Variants in DDX19B observed in about 807,000 individuals in gnomAD.
The protein encoded by DDX19B is ATP-dependent RNA helicase DDX19B.
DDX19B carries 27 observed loss-of-function variants against 58.1 expected under a neutral mutation model. That is an observed-to-expected ratio of 0.46 (90% CI 0.34 to 0.64). The LOEUF (loss-of-function observed/expected upper bound fraction) is 0.64. Among genes scored for constraint, DDX19B ranks in the 30% least tolerant of loss-of-function variants. The pLI is 0.01. For synonymous variants in DDX19B, 187 were observed against 214.4 expected (o/e 0.87, Z 1.12); for missense variants, 399 against 596.5 (o/e 0.67, Z 3.45).
chr16:70,331,631 G>A, intron 9 of DDX19B, 91 bp from the exon 10 acceptor site: 1 of 1,484,808 alleles, frequency 6.7e-7, no homozygotes. Flanking sequence ...GGGCCTTCAT[G>A]TATTTTAATC....
intron 1 of DDX19B, among the ~76,000 whole-genome samples, chr16:70,301,231 T>C (rs1597463040): frequency 6.6e-6 from 1 of 152,182 alleles, no homozygotes; most frequent in African/African-American, 2.4e-5. Context: ...TTTCTGGAGG[T>C]GTACGGGAAG....
chr16:70,314,733 C>A (rs2152197713), intron 2 of DDX19B, 169 bp from the exon 3 acceptor site: 1 of 605,080 alleles, frequency 1.7e-6, no homozygotes, highest in South Asian at 1.4e-5. Flanking sequence ...TGTTTTACAC[C>A]TTTGTTTATT....
At chr16:70,303,839 G>A (rs571620990) in intron 1 of DDX19B, among the ~76,000 whole-genome samples, 34 of 152,086 alleles carry the variant, frequency 2.2e-4, no homozygotes, top group African/African-American at 4.8e-4. Flanking sequence ...GATTACAGGC[G>A]TGAGCCACCG....
At chr16:70,318,094 C>T (rs1962537552) in intron 5 of DDX19B, among the ~76,000 whole-genome samples, 1 of 147,150 alleles carries the variant, frequency 6.8e-6, no homozygotes, top group Admixed American at 6.8e-5. Context: ...TCAAGGGGGC[C>T]AGGTGCAGTG....
chr16:70,311,288 T>C (rs1418774490), intron 1 of DDX19B, among the ~76,000 whole-genome samples: 1 of 149,166 alleles, frequency 6.7e-6, no homozygotes, highest in Non-Finnish European at 1.5e-5. Context: ...GCTGAGGCAG[T>C]AGAATGGCGT....
chr16:70,325,163 T>A (rs1207026070), intron 6 of DDX19B, among the ~76,000 whole-genome samples: 1 of 152,216 alleles, frequency 6.6e-6, no homozygotes, highest in African/African-American at 2.4e-5. Context: ...AAATCCTGTT[T>A]CCTTTTTCCA....
intron 1 of DDX19B, among the ~76,000 whole-genome samples, 182 bp from the exon 2 acceptor site, chr16:70,312,427 G>C (rs1396525109): frequency 6.6e-6 from 1 of 152,100 alleles, no homozygotes; most frequent in Non-Finnish European, 1.5e-5. Context: ...TGTATTTACG[G>C]GAAATTTTGT....
At chr16:70,300,279 C>T (rs1021431540) in intron 1 of DDX19B, among the ~76,000 whole-genome samples, 4 of 152,022 alleles carry the variant, frequency 2.6e-5, no homozygotes, top group African/African-American at 7.2e-5. Flanking sequence ...GATCTTGGCT[C>T]ACTGCAGTCT....
chr16:70,314,413 A>G (rs1189386156), intron 2 of DDX19B, among the ~76,000 whole-genome samples: 3 of 152,200 alleles, frequency 2.0e-5, no homozygotes. Context: ...CTGTAATCCC[A>G]GCACTTTGGG....
upstream of DDX19B, among the ~76,000 whole-genome samples, chr16:70,294,356 C>A (rs1200601851): frequency 6.6e-6 from 1 of 152,140 alleles, no homozygotes; most frequent in African/African-American, 2.4e-5. Flanking sequence ...GCTGGGATTA[C>A]AGGCGTGAGC....
At chr16:70,323,665 C>G (rs1597491949) in intron 5 of DDX19B, among the ~76,000 whole-genome samples, 1 of 151,198 alleles carries the variant, frequency 6.6e-6, no homozygotes, top group African/African-American at 2.4e-5. Context: ...CTCGAATGAT[C>G]CACCCACCTC....
At chr16:70,317,274 G>A (rs893708504) in intron 4 of DDX19B, 6 of 278,754 alleles carry the variant, frequency 2.2e-5, no homozygotes, top group South Asian at 1.4e-4. Context: ...CCAGCTATTC[G>A]CGAGGCTGAG....
upstream of DDX19B, chr16:70,295,110 G>T (rs1019019233): frequency 4.8e-6 from 6 of 1,243,182 alleles, no homozygotes; most frequent in African/African-American, 6.2e-5. Context: ...GACTGGCTAG[G>T]CTCACGTGGG....
At chr16:70,328,836 T>C (rs1476704085) in intron 7 of DDX19B, among the ~76,000 whole-genome samples, 1 of 152,148 alleles carries the variant, frequency 6.6e-6, no homozygotes, top group Non-Finnish European at 1.5e-5. Context: ...CTTTCCTTAA[T>C]ATATTAATGC....
In DDX19B at chr16:70,314,965, C is replaced by A; in HGVS notation, c.160+10C>A. On this transcript the variant is annotated intron_variant, in intron 3 of 11. Transcript: ENST00000288071. ...GATGAAGAAGAGAAAGGTAACACAGCCGTGGAGCTTTATATAATAACAAGC... is the reference window on the plus strand; with the variant it reads ...GATGAAGAAGAGAAAGGTAACACAGACGTGGAGCTTTATATAATAACAAGC... 6.2e-7 allele frequency: 1 copy of A among 1,606,862 alleles called. No individual in the cohort carries two copies. Among genetic ancestry groups the A allele is most frequent in the Non-Finnish European group, 8.5e-7 (1 of 1,175,248 alleles).
intron 1 of DDX19B, among the ~76,000 whole-genome samples, chr16:70,309,815 C>T (rs1390013628): frequency 2.4e-4 from 1 of 4,246 alleles, no homozygotes; most frequent in Non-Finnish European, 3.4e-4. Flanking sequence ...AAGACTCCGT[C>T]TCAAAAAAAA....
At position 70,301,698 on chromosome 16, in the gene DDX19B, T is replaced by C. The variant is rs558677122; in HGVS notation, c.57+2344T>C. 2.8e-3 allele frequency among the ~76,000 whole-genome samples: 396 copies of C among 143,912 alleles called. 1 individual carries two copies. Among genetic ancestry groups the C allele is most frequent in the Middle Eastern group, 7.1e-3 (2 of 282 alleles). The allele number at this position is 143,912 out of a possible 152,430, so 94.4% of individuals were successfully genotyped here. A position where few individuals can be genotyped will look rare whatever the true frequency, so the allele number is the denominator to read the frequency against. ...TCTCTCTTTCTTTCTCTCTCTCTCT[T>C]TTTTTTTTTTTTTTAAGACAGTGTC... On this transcript the variant is annotated intron_variant, in intron 1 of 11. Transcript: ENST00000288071.
intron 5 of DDX19B, among the ~76,000 whole-genome samples, chr16:70,318,515 G>A (rs193253039): frequency 9.2e-5 from 14 of 152,144 alleles, no homozygotes; most frequent in East Asian, 1.9e-4. Context: ...ATATATGACC[G>A]GGGTGGTGGC....
intron 2 of DDX19B, among the ~76,000 whole-genome samples, chr16:70,313,588 G>C (rs942571554): frequency 3.3e-5 from 5 of 152,070 alleles, no homozygotes; most frequent in African/African-American, 1.2e-4. Context: ...TTTTCTTAAT[G>C]TTCTCAATTT....
Sources: allele counts gnomAD v4.1 joint callset (sites outside exome capture counted in the v4.1 genomes callset), GRCh38; gene constraint gnomAD v4.1.1; transcripts MANE v1.5; gene names NCBI Gene and HGNC (gene_info 2026-07-23, HGNC 2026-07-21).